Variants in KCNH8 observed in about 807,000 individuals in gnomAD.
KCNH8 encodes the protein potassium voltage-gated channel subfamily H member 8, also known as voltage-gated delayed rectifier potassium channel KCNH8.
In KCNH8, 70 loss-of-function variants were observed where a neutral mutation model predicts 103.6. That is an observed-to-expected ratio of 0.68 (90% CI 0.56 to 0.82). The LOEUF (loss-of-function observed/expected upper bound fraction) is 0.82, where lower values mean the gene tolerates loss of function less well. Among genes scored for constraint, KCNH8 ranks in the 40% least tolerant of loss-of-function variants. The pLI is 0.00. For synonymous variants in KCNH8, 498 were observed against 489.4 expected (o/e 1.02, Z -0.23); for missense variants, 1,217 against 1,329.9 (o/e 0.92, Z 1.32).
At chr3:19,166,156 G>A (rs1307206276) in intron 1 of KCNH8, among the ~76,000 whole-genome samples, 3 of 152,048 alleles carry the variant, frequency 2.0e-5, no homozygotes, top group African/African-American at 7.2e-5. Context: ...ATCTTTGGGG[G>A]AAAAATAACA....
chr3:19,473,403 G>T (rs920984560), intron 11 of KCNH8, among the ~76,000 whole-genome samples: 1 of 152,156 alleles, frequency 6.6e-6, no homozygotes, highest in Admixed American at 6.6e-5. Flanking sequence ...TGACTTGCCT[G>T]CTCCCCTTGT....
chr3:19,343,341 A>G (rs1451358327), intron 4 of KCNH8, among the ~76,000 whole-genome samples: 1 of 152,098 alleles, frequency 6.6e-6, no homozygotes, highest in Non-Finnish European at 1.5e-5. Flanking sequence ...ACAAATAACT[A>G]TGCCTGTATA....
intron 6 of KCNH8, chr3:19,391,906 A>G (rs1408267825): frequency 6.6e-6 from 1 of 152,018 alleles, no homozygotes; most frequent in Non-Finnish European, 1.5e-5. Context: ...CAGAATAAGT[A>G]TATAATTCAC....
intron 1 of KCNH8, among the ~76,000 whole-genome samples, chr3:19,204,964 C>T (rs911743896): frequency 2.6e-5 from 4 of 151,924 alleles, no homozygotes; most frequent in African/African-American, 9.7e-5. Context: ...TGAAGAAGTA[C>T]AAAGAGTGTT....
Position 19,253,772 on chromosome 3 carries a change from T to A in KCNH8, c.195T>A (p.Cys65Ter). 6.2e-7 allele frequency: 1 copy of A among 1,613,900 alleles called. No individual in the cohort carries two copies. The highest frequency in any genetic ancestry group is 8.5e-7 in the Non-Finnish European group (1 of 1,179,880). The change falls in exon 2 of 16, where the codon TGT (cysteine) becomes TGA (stop). Residue 65 changes from cysteine (C) to a stop codon, truncating the protein, a stop_gained. Coordinates refer to ENST00000328405, the MANE Select transcript of KCNH8 (RefSeq NM_144633.3). LOFTEE classifies it high-confidence loss of function. ...GAACTGAAGTCATGCAGAAGAGTTG[T>A]AGCTGCAAGTTCTTATTTGGGGTTG... ...FARTEVMQKS[C>*]SCKFLFGVET...
chr3:19,386,617 T>C (rs1032650270), intron 5 of KCNH8, among the ~76,000 whole-genome samples: 1 of 152,124 alleles, frequency 6.6e-6, no homozygotes, highest in East Asian at 1.9e-4. Flanking sequence ...TTTGTACTTA[T>C]GGACAGTTGT....
At chr3:19,445,840 G>A (rs1265568601) in intron 8 of KCNH8, among the ~76,000 whole-genome samples, 1 of 151,924 alleles carries the variant, frequency 6.6e-6, no homozygotes, top group Non-Finnish European at 1.5e-5. Context: ...GAGGCACATT[G>A]CAGTTCCATA....
At chr3:19,157,949 TATG>T (rs1409029571) in intron 1 of KCNH8, among the ~76,000 whole-genome samples, 1 of 151,810 alleles carries the variant, frequency 6.6e-6, no homozygotes, top group Non-Finnish European at 1.5e-5. Context: ...ATTTCCCTGT[TATG>T]ATATCTAGAT....
At chr3:19,356,910 G>C (rs926086725) in intron 5 of KCNH8, among the ~76,000 whole-genome samples, 2 of 151,612 alleles carry the variant, frequency 1.3e-5, no homozygotes, top group African/African-American at 2.4e-5. Flanking sequence ...CCACGAATAT[G>C]GAAATTAATA....
chr3:19,201,110 T>G (rs553300706), intron 1 of KCNH8, among the ~76,000 whole-genome samples: 2 of 150,604 alleles, frequency 1.3e-5, no homozygotes, highest in East Asian at 3.9e-4. Context: ...CGGGCACCTG[T>G]TATCCCAGCT....
At chr3:19,235,473 T>C (rs146696708) in intron 1 of KCNH8, among the ~76,000 whole-genome samples, 301 of 152,260 alleles carry the variant, frequency 2.0e-3, no homozygotes, top group South Asian at 3.5e-3. Context: ...GGGACTAAAA[T>C]TGAGGAAGCA....
intron 11 of KCNH8, among the ~76,000 whole-genome samples, chr3:19,464,934 ATAAG>A (rs1428020900): frequency 6.6e-6 from 1 of 152,180 alleles, no homozygotes; most frequent in Non-Finnish European, 1.5e-5. Context: ...TAGTATCAAG[ATAAG>A]TAATTGAGAT....
chr3:19,255,847 G>A (rs561075865), intron 2 of KCNH8, among the ~76,000 whole-genome samples: 1 of 152,150 alleles, frequency 6.6e-6, no homozygotes, highest in African/African-American at 2.4e-5. Flanking sequence ...TAGAAAACCA[G>A]TTTCAACCAT....
intron 1 of KCNH8, among the ~76,000 whole-genome samples, chr3:19,204,792 A>G (rs1009792465): frequency 6.6e-6 from 1 of 152,052 alleles, no homozygotes; most frequent in African/African-American, 2.4e-5. Context: ...TAAATGAAAG[A>G]CCTAAAGATA....
intron 1 of KCNH8, among the ~76,000 whole-genome samples, chr3:19,223,859 T>C (rs962229541): frequency 6.6e-6 from 1 of 152,234 alleles, no homozygotes; most frequent in African/African-American, 2.4e-5. Context: ...TATATAGATA[T>C]TTCATTTTCT....
chr3:19,510,229 T>A (rs539107806), intron 11 of KCNH8, 134 bp from the exon 12 acceptor site: 1 of 664,048 alleles, frequency 1.5e-6, no homozygotes, highest in South Asian at 1.7e-5. Flanking sequence ...CACAGGTAGA[T>A]CCACACCCCT....
chr3:19,491,706 G>A (rs1211098904), intron 11 of KCNH8, among the ~76,000 whole-genome samples: 1 of 152,196 alleles, frequency 6.6e-6, no homozygotes, highest in Non-Finnish European at 1.5e-5. Flanking sequence ...TATGCGCCCA[G>A]TAATGGAATT....
intron 11 of KCNH8, among the ~76,000 whole-genome samples, chr3:19,466,957 G>A (rs780893070): frequency 5.9e-5 from 9 of 151,944 alleles, no homozygotes; most frequent in East Asian, 3.9e-4. Context: ...CACTGCGCCC[G>A]GCCAATAAAA....
rs115961797 is a variant in KCNH8 at position 19,254,369 on chromosome 3, C to T, written c.310+482C>T. 3.7e-3 allele frequency among the ~76,000 whole-genome samples: 563 copies of T among 152,040 alleles called. 2 individuals are homozygous for T. The highest frequency in any genetic ancestry group is 0.012 in the African/African-American group (515 of 41,508). On this transcript the variant is annotated intron_variant, in intron 2 of 15. Coordinates refer to ENST00000328405, the MANE Select transcript of KCNH8 (RefSeq NM_144633.3). ...AAATTGGCATATGCATTTTCTTTTC[C>T]GGTTACCTAGCCACAGAGCCTTTCT...
Sources: gnomAD v4.1 joint callset for allele counts (sites outside exome capture counted in the v4.1 genomes callset) on GRCh38, gnomAD v4.1.1 for gene constraint, MANE v1.5 for transcripts, NCBI Gene and HGNC (gene_info 2026-07-23, HGNC 2026-07-21) for gene names.